The following PCDH15 variants were observed in gnomAD, a reference collection of about 807,000 sequenced individuals.
PCDH15 encodes the protein protocadherin-15.
In PCDH15, 129 loss-of-function variants were observed where a neutral mutation model predicts 178.5. The ratio of observed to expected loss-of-function variants is 0.72; its 90% CI spans 0.63 to 0.84. The LOEUF (loss-of-function observed/expected upper bound fraction) is 0.84. PCDH15 is among the 40% of genes least tolerant of loss of function. The pLI is 0.00. For synonymous variants in PCDH15, 800 were observed against 732.0 expected (o/e 1.09, Z -1.50); for missense variants, 2,230 against 2,099.9 (o/e 1.06, Z -1.21).
At chr10:54,731,460 C>G (rs1943318058) in intron 1 of PCDH15, among the ~76,000 whole-genome samples, 1 of 147,906 alleles carries the variant, frequency 6.8e-6, no homozygotes, top group Non-Finnish European at 1.5e-5. Context: ...ATCTTCACTC[C>G]CATGTTTATT....
rs115145945 is a variant in PCDH15 at position 54,689,665 on chromosome 10, A to T, written c.-28-25375T>A. Among the ~76,000 whole-genome samples, 1,298 of 152,260 alleles carry T rather than the reference A, an allele frequency of 8.5e-3. 14 individuals carry two copies. Among genetic ancestry groups the T allele is most frequent in the African/African-American group, 0.028 (1,144 of 41,560 alleles). ...TTAAGTAATTGTGTTCATCCCAAAA[A>T]CCCAAATATCAAATACTATTTGCAT... On this transcript the variant is annotated intron_variant, in intron 1 of 37. Coordinates refer to ENST00000644397, the MANE Select transcript of PCDH15 (RefSeq NM_001384140.1).
chr10:55,002,248 A>G (rs1028500555), intron 2 of PCDH15, among the ~76,000 whole-genome samples: 1 of 152,236 alleles, frequency 6.6e-6, no homozygotes, highest in African/African-American at 2.4e-5. Context: ...AAATAGCTTA[A>G]AAGAAAATAT....
At chr10:55,552,130 G>T (rs945633197) in intron 2 of PCDH15, among the ~76,000 whole-genome samples, 5 of 151,634 alleles carry the variant, frequency 3.3e-5, no homozygotes, top group Non-Finnish European at 5.9e-5. Context: ...ATTCAAGGAA[G>T]GCTTAAATGC....
intron 2 of PCDH15, among the ~76,000 whole-genome samples, chr10:55,066,033 A>G (rs1841555999): frequency 6.6e-6 from 1 of 151,824 alleles, no homozygotes; most frequent in Non-Finnish European, 1.5e-5. Flanking sequence ...ATTAATTTTT[A>G]TTTACACATT....
At chr10:55,452,304 G>T (rs1187372284) in intron 2 of PCDH15, among the ~76,000 whole-genome samples, 1 of 152,020 alleles carries the variant, frequency 6.6e-6, no homozygotes, top group African/African-American at 2.4e-5. Flanking sequence ...CACATGTTTG[G>T]CCTGCACGTT....
At chr10:54,180,379 TAAA>T (rs753854166) in intron 13 of PCDH15, among the ~76,000 whole-genome samples, 1 of 152,200 alleles carries the variant, frequency 6.6e-6, no homozygotes, top group Non-Finnish European at 1.5e-5. Context: ...ATACTGTACT[TAAA>T]AAATTGAGTA....
intron 2 of PCDH15, among the ~76,000 whole-genome samples, chr10:54,610,180 C>T (rs554457033): frequency 4.2e-4 from 64 of 151,742 alleles, no homozygotes; most frequent in African/African-American, 1.5e-3. Flanking sequence ...GTGCAGATCT[C>T]GATTTTTTCA....
intron 14 of PCDH15, among the ~76,000 whole-genome samples, chr10:54,151,488 C>T (rs12261101): frequency 0.019 from 2,909 of 152,006 alleles, 100 homozygotes; most frequent in African/African-American, 0.065. Context: ...TTCCATTAGC[C>T]GGGATTGTGC....
chr10:55,115,264 A>T (rs1028702285), intron 2 of PCDH15, among the ~76,000 whole-genome samples: 5 of 152,212 alleles, frequency 3.3e-5, no homozygotes, highest in Admixed American at 3.3e-4. Flanking sequence ...AAAGTAAAAG[A>T]CATTTTTAAA....
At chr10:54,452,260 T>G (rs2076526089) in intron 3 of PCDH15, among the ~76,000 whole-genome samples, 1 of 152,008 alleles carries the variant, frequency 6.6e-6, no homozygotes, top group Admixed American at 6.6e-5. Context: ...TATAAAATGC[T>G]TCTCCTCCAT....
At chr10:54,301,112 C>CTTA (rs200135671) in intron 8 of PCDH15, among the ~76,000 whole-genome samples, 9 of 151,864 alleles carry the variant, frequency 5.9e-5, no homozygotes, top group Non-Finnish European at 1.0e-4. Flanking sequence ...GGAAGAAACT[C>CTTA]CAGACAGACC....
At chr10:53,928,089 G>T (rs1171363716) in intron 25 of PCDH15, among the ~76,000 whole-genome samples, 6 of 152,022 alleles carry the variant, frequency 3.9e-5, no homozygotes. Context: ...CAGAAAAGCA[G>T]TTACATAGGA....
intron 1 of PCDH15, among the ~76,000 whole-genome samples, chr10:54,785,256 G>A (rs1950748680): frequency 6.6e-6 from 1 of 151,586 alleles, no homozygotes; most frequent in Non-Finnish European, 1.5e-5. Context: ...CTGATACATA[G>A]GAGCCTGGAG....
At chr10:54,043,372 GCT>G (rs147452146) in intron 18 of PCDH15, among the ~76,000 whole-genome samples, 3 of 150,178 alleles carry the variant, frequency 2.0e-5, no homozygotes, top group African/African-American at 7.3e-5. Flanking sequence ...ATTACAACCT[GCT>G]CTCTCTCTCT....
In PCDH15 at chr10:54,516,205, C is replaced by T. The variant is rs4570491; in HGVS notation, c.157+11607G>A. Among the ~76,000 whole-genome samples, 73 of 151,998 alleles carry T rather than the reference C, an allele frequency of 4.8e-4. 1 individual carries two copies. The East Asian group carries it at 9.9e-3, about 21-fold the overall frequency. On this transcript the variant is annotated intron_variant, in intron 3 of 37. Transcript: ENST00000644397. Reference sequence around the variant, plus strand: ...AGATGATCAAACTACTCTGAGCTGACGGAGAATGACTTTGACGAGTTGAGA... The same window carrying T: ...AGATGATCAAACTACTCTGAGCTGATGGAGAATGACTTTGACGAGTTGAGA...
chr10:54,130,791 A>G (rs1564492364), intron 15 of PCDH15, among the ~76,000 whole-genome samples: 1 of 152,202 alleles, frequency 6.6e-6, no homozygotes, highest in Non-Finnish European at 1.5e-5. Flanking sequence ...CTAGAGTGTG[A>G]AAAGGATGAG....
At chr10:54,236,411 T>C (rs1179578315) in intron 9 of PCDH15, among the ~76,000 whole-genome samples, 2 of 152,124 alleles carry the variant, frequency 1.3e-5, no homozygotes, top group Non-Finnish European at 2.9e-5. Context: ...AAAATAGCTC[T>C]TTTTAAATTC....
intron 1 of PCDH15, among the ~76,000 whole-genome samples, chr10:54,773,672 A>G (rs754187103): frequency 6.6e-6 from 1 of 152,202 alleles, no homozygotes; most frequent in Non-Finnish European, 1.5e-5. Context: ...GGATTCTTCC[A>G]TGAATATGTT....
At chr10:54,870,775 G>C (rs1954023428) in intron 3 of PCDH15, among the ~76,000 whole-genome samples, 1 of 148,222 alleles carries the variant, frequency 6.7e-6, no homozygotes. Flanking sequence ...GACAGAGAGA[G>C]ACTCCCTCTC....
Sources: gnomAD v4.1 joint callset for allele counts (sites outside exome capture counted in the v4.1 genomes callset) on GRCh38, gnomAD v4.1.1 for gene constraint, MANE v1.5 for transcripts, NCBI Gene and HGNC (gene_info 2026-07-23, HGNC 2026-07-21) for gene names.